Variants in THEMIS observed in about 807,000 individuals in gnomAD.
THEMIS encodes protein THEMIS.
Under a neutral mutation model 52.6 loss-of-function variants are expected in THEMIS, and 37 were observed. That is an observed-to-expected ratio of 0.70 (90% CI 0.54 to 0.93). The LOEUF (loss-of-function observed/expected upper bound fraction) is 0.93. Ranked by LOEUF, THEMIS falls within the 40% of genes least tolerant of loss-of-function variation. The pLI is 0.00. For missense variants in THEMIS, 808 were observed against 763.1 expected, an observed-to-expected ratio of 1.06 and a Z score of -0.69; for synonymous variants, 292 against 272.7, an observed-to-expected ratio of 1.07 and a Z score of -0.70.
At chr6:127,720,224 A>G (rs1197804172) in intron 4 of THEMIS, among the ~76,000 whole-genome samples, 2 of 151,986 alleles carry the variant, frequency 1.3e-5, no homozygotes, top group Non-Finnish European at 2.9e-5. Context: ...TCATTTCTGT[A>G]TCATCTGTAC....
At chr6:127,780,299 A>T (rs2114477884) in intron 4 of THEMIS, among the ~76,000 whole-genome samples, 1 of 152,304 alleles carries the variant, frequency 6.6e-6, no homozygotes, top group South Asian at 2.1e-4. Context: ...GTCTCTGCAC[A>T]GGAGATGGGT....
intron 4 of THEMIS, among the ~76,000 whole-genome samples, chr6:127,730,564 TA>T (rs967031468): frequency 6.6e-6 from 1 of 152,034 alleles, no homozygotes; most frequent in Non-Finnish European, 1.5e-5. Flanking sequence ...ATAATATATT[TA>T]ATCATTTAAT....
At chr6:127,810,704 C>A (rs901529736) in intron 4 of THEMIS, among the ~76,000 whole-genome samples, 2 of 152,084 alleles carry the variant, frequency 1.3e-5, no homozygotes, top group African/African-American at 4.8e-5. Context: ...CAGATACCCT[C>A]CAATCGTGCC....
At chr6:127,860,493 C>T (rs1248676123) in intron 1 of THEMIS, among the ~76,000 whole-genome samples, 1 of 152,032 alleles carries the variant, frequency 6.6e-6, no homozygotes, top group African/African-American at 2.4e-5. Context: ...TCTCCCTAAC[C>T]TCTAAGAATA....
intron 1 of THEMIS, among the ~76,000 whole-genome samples, chr6:127,886,680 ACTT>A (rs1260357136): frequency 6.6e-5 from 10 of 152,028 alleles, no homozygotes; most frequent in African/African-American, 2.4e-4. Flanking sequence ...GTATAGATGA[ACTT>A]CTCTGGTTGA....
At chr6:127,723,964 A>G (rs1162639943) in intron 4 of THEMIS, among the ~76,000 whole-genome samples, 10 of 152,076 alleles carry the variant, frequency 6.6e-5, no homozygotes, top group Admixed American at 6.6e-4. Context: ...GGTTTTAAAT[A>G]TAATAGGCAT....
chr6:127,889,777 T>C (rs1346053514), intron 1 of THEMIS, among the ~76,000 whole-genome samples: 1 of 152,126 alleles, frequency 6.6e-6, no homozygotes, highest in Non-Finnish European at 1.5e-5. Context: ...TTAAAGGAAT[T>C]GTTTTAATTC....
At position 127,813,836 on chromosome 6, in the gene THEMIS, A is replaced by G; in HGVS notation, c.805T>C (p.Ser269Pro). 1.2e-6 allele frequency: 2 copies of G among 1,613,896 alleles called. No individual in the cohort carries two copies. The highest frequency in any genetic ancestry group is 1.7e-6 in the Non-Finnish European group (2 of 1,179,904). Residue 269 changes from serine (S) to proline (P), a missense_variant, in exon 4 of 6, where the codon TCA becomes CCA. Transcript: ENST00000368248. ...YDANWFLQLL[S>P]TEDLFEMTSK... Reference sequence around the variant, plus strand: ...GTCATTTCAAAAAGATCTTCTGTTGATAACAGCTGAAGAAACCAGTTAGCA... The same window carrying G: ...GTCATTTCAAAAAGATCTTCTGTTGGTAACAGCTGAAGAAACCAGTTAGCA...
chr6:127,802,414 AG>A (rs1420158954), intron 4 of THEMIS, among the ~76,000 whole-genome samples: 1 of 152,204 alleles, frequency 6.6e-6, no homozygotes, highest in Non-Finnish European at 1.5e-5. Context: ...CTGAGGTGGC[AG>A]GGGCCAAGTG....
chr6:127,738,388 A>G (rs1157250895), intron 4 of THEMIS, among the ~76,000 whole-genome samples: 1 of 152,164 alleles, frequency 6.6e-6, no homozygotes, highest in Admixed American at 6.5e-5. Context: ...ACAAAGCAAC[A>G]TGGAAAGGCC....
chr6:127,839,449 ACT>A (rs1290930745), intron 2 of THEMIS, among the ~76,000 whole-genome samples: 1 of 151,994 alleles, frequency 6.6e-6, no homozygotes, highest in African/African-American at 2.4e-5. Flanking sequence ...CTCATTTGAT[ACT>A]CTGTTTTACA....
At chr6:127,736,288 ATATT>A (rs1775002474) in intron 4 of THEMIS, among the ~76,000 whole-genome samples, 1 of 152,182 alleles carries the variant, frequency 6.6e-6, no homozygotes, top group Non-Finnish European at 1.5e-5. Flanking sequence ...TACTGAGAAA[ATATT>A]TAATATGAAG....
chr6:127,911,641 C>A (rs968822211), intron 1 of THEMIS, among the ~76,000 whole-genome samples: 1 of 151,486 alleles, frequency 6.6e-6, no homozygotes, highest in Non-Finnish European at 1.5e-5. Flanking sequence ...TCCAATACTA[C>A]ATGGTTCATT....
intron 1 of THEMIS, among the ~76,000 whole-genome samples, chr6:127,857,175 T>G (rs983449785): frequency 9.2e-5 from 14 of 151,862 alleles, no homozygotes; most frequent in Non-Finnish European, 1.8e-4. Flanking sequence ...GAAAGAACAA[T>G]TAAGCAGACA....
chr6:127,852,302 C>G (rs978500123), intron 2 of THEMIS, among the ~76,000 whole-genome samples: 1 of 151,436 alleles, frequency 6.6e-6, no homozygotes, highest in Non-Finnish European at 1.5e-5. Context: ...CTGGAAACAT[C>G]AACACTTCAC....
At chr6:127,881,582 A>G (rs999587745) in intron 1 of THEMIS, among the ~76,000 whole-genome samples, 9 of 151,978 alleles carry the variant, frequency 5.9e-5, no homozygotes, top group African/African-American at 1.2e-4. Context: ...CTCATACTCC[A>G]TTGTACAAAA....
At chr6:127,821,266 A>G (rs1488084685) in intron 3 of THEMIS, among the ~76,000 whole-genome samples, 1 of 151,968 alleles carries the variant, frequency 6.6e-6, no homozygotes, top group African/African-American at 2.4e-5. Context: ...AAAAAGACCA[A>G]AGAGTACAAG....
chr6:127,819,118 TAAAAAAAAAAAAA>T (rs142123167), intron 3 of THEMIS, among the ~76,000 whole-genome samples: 175 of 19,496 alleles, frequency 9.0e-3, no homozygotes, highest in African/African-American at 0.032. Flanking sequence ...AGACTCTGTC[TAAAAAAAAAAAAA>T]AAAAAAAAAA....
chr6:127,886,425 A>T (rs1780645844), intron 1 of THEMIS, among the ~76,000 whole-genome samples: 1 of 152,184 alleles, frequency 6.6e-6, no homozygotes, highest in Non-Finnish European at 1.5e-5. Flanking sequence ...CCAAAGAAAG[A>T]ATTAGCTCTT....
Sources: gnomAD v4.1 joint callset for allele counts (sites outside exome capture counted in the v4.1 genomes callset) on GRCh38, gnomAD v4.1.1 for gene constraint, MANE v1.5 for transcripts, NCBI Gene and HGNC (gene_info 2026-07-23, HGNC 2026-07-21) for gene names.